The following GLDC variants were observed in gnomAD, a reference collection of about 807,000 sequenced individuals.
GLDC encodes the protein glycine dehydrogenase (decarboxylating), mitochondrial.
In GLDC, 104 loss-of-function variants were observed where a neutral mutation model predicts 121.3. The ratio of observed to expected loss-of-function variants is 0.86; its 90% CI spans 0.73 to 1.01. GLDC has a LOEUF of 1.01. Ranked by LOEUF, GLDC falls within the 50% of genes least tolerant of loss-of-function variation. The pLI is 0.00. For missense variants in GLDC, 1,429 were observed against 1,306.6 expected, an observed-to-expected ratio of 1.09 and a Z score of -1.44; for synonymous variants, 546 against 480.6, an observed-to-expected ratio of 1.14 and a Z score of -1.78.
At chr9:6,545,103 A>G (rs1817359635) in intron 21 of GLDC, among the ~76,000 whole-genome samples, 2 of 79,302 alleles carry the variant, frequency 2.5e-5, no homozygotes, top group South Asian at 7.8e-4. Flanking sequence ...CTGTCTCAAA[A>G]AAAAGAAAAA....
intron 15 of GLDC, among the ~76,000 whole-genome samples, chr9:6,585,623 A>G (rs561226741): frequency 8.1e-4 from 123 of 152,282 alleles, no homozygotes; most frequent in African/African-American, 2.6e-3. Flanking sequence ...CTATGTTACA[A>G]AACAGAAGGT....
intron 15 of GLDC, among the ~76,000 whole-genome samples, chr9:6,567,675 T>A (rs1188210397): frequency 1.3e-5 from 2 of 152,214 alleles, no homozygotes; most frequent in African/African-American, 4.8e-5. Context: ...ATTTGATAGA[T>A]TGATTAAAGA....
intron 15 of GLDC, among the ~76,000 whole-genome samples, chr9:6,571,835 C>G (rs1276553938): frequency 1.3e-5 from 2 of 152,032 alleles, no homozygotes; most frequent in South Asian, 2.1e-4. Context: ...AATAATCAAG[C>G]CTATGTACAC....
Position 6,626,195 on chromosome 9 carries a change from G to T in GLDC, c.335-5876C>A, listed in dbSNP as rs1278912082. 2.6e-5 allele frequency among the ~76,000 whole-genome samples: 4 copies of T among 151,754 alleles called. No individual in the cohort carries two copies. The South Asian group carries it at 6.2e-4, about 24-fold the overall frequency. ...ATGTTAATTCTCACTGATAGGAAAGGTAGGGTTAAAGTTTTATGGGTCTGC... is the reference window on the plus strand; with the variant it reads ...ATGTTAATTCTCACTGATAGGAAAGTTAGGGTTAAAGTTTTATGGGTCTGC... On this transcript the variant is annotated intron_variant, in intron 2 of 24. Transcript: ENST00000321612.
Position 6,621,119 on chromosome 9 carries a change from A to G in GLDC, c.335-800T>C, listed in dbSNP as rs148091282. Reference sequence around the variant, plus strand: ...TGGGAGGCAGAGATTGTAGTGAGCTAAGATGGCGCCGCTGCACTCAAACCT... The same window carrying G: ...TGGGAGGCAGAGATTGTAGTGAGCTGAGATGGCGCCGCTGCACTCAAACCT... On this transcript the variant is annotated intron_variant, in intron 2 of 24. Transcript: ENST00000321612. Among the ~76,000 whole-genome samples the G allele has an allele frequency of 2.6e-5, 4 of 152,316 alleles. No individual in the cohort carries two copies. In the East Asian group the frequency reaches 7.7e-4, roughly 29 times the overall value.
At chr9:6,598,558 C>T (rs1818536736) in intron 8 of GLDC, among the ~76,000 whole-genome samples, 1 of 152,138 alleles carries the variant, frequency 6.6e-6, no homozygotes, top group African/African-American at 2.4e-5. Flanking sequence ...CAACAGAAGG[C>T]GGGGGTCAAA....
intron 2 of GLDC, among the ~76,000 whole-genome samples, chr9:6,623,888 A>G (rs1470528407): frequency 1.3e-5 from 2 of 152,232 alleles, no homozygotes; most frequent in Non-Finnish European, 2.9e-5. Flanking sequence ...TCAGACGCCC[A>G]GTAGGAGGAA....
chr9:6,576,540 C>T (rs935131178), intron 15 of GLDC, among the ~76,000 whole-genome samples: 1 of 152,124 alleles, frequency 6.6e-6, no homozygotes, highest in African/African-American at 2.4e-5. Flanking sequence ...GATCTTGGCT[C>T]ACTGCAACCT....
chr9:6,573,754 A>G (rs1287034535), intron 15 of GLDC, among the ~76,000 whole-genome samples: 2 of 152,214 alleles, frequency 1.3e-5, no homozygotes, highest in East Asian at 3.9e-4. Flanking sequence ...TGATGGCAGT[A>G]AAGTGATCCT....
chr9:6,641,497 A>T (rs1819627658), intron 2 of GLDC, among the ~76,000 whole-genome samples: 1 of 152,220 alleles, frequency 6.6e-6, no homozygotes, highest in African/African-American at 2.4e-5. Context: ...AAGAGAGAGC[A>T]AAGTAGTGGA....
At chr9:6,575,690 T>C (rs1818051491) in intron 15 of GLDC, among the ~76,000 whole-genome samples, 1 of 152,250 alleles carries the variant, frequency 6.6e-6, no homozygotes, top group Non-Finnish European at 1.5e-5. Flanking sequence ...TCCTCAATTT[T>C]TTAAGCCAAG....
At chr9:6,548,715 G>A (rs2129697354) in intron 21 of GLDC, among the ~76,000 whole-genome samples, 1 of 152,236 alleles carries the variant, frequency 6.6e-6, no homozygotes, top group East Asian at 1.9e-4. Flanking sequence ...CTGTCTCTCT[G>A]ATCTAAGCTC....
intron 6 of GLDC, 111 bp downstream of exon 6, chr9:6,605,020 G>T: frequency 8.9e-7 from 1 of 1,119,702 alleles, no homozygotes; most frequent in Non-Finnish European, 1.4e-6. Flanking sequence ...ACCATTCCAT[G>T]TGATAATGGT....
intron 3 of GLDC, among the ~76,000 whole-genome samples, chr9:6,613,610 A>C (rs1365657295): frequency 6.6e-6 from 1 of 152,252 alleles, no homozygotes; most frequent in East Asian, 1.9e-4. Flanking sequence ...AAATTATTTA[A>C]GTTATAATTT....
At chr9:6,550,710 G>GTC in intron 21 of GLDC, 93 bp downstream of exon 21, 1 of 794,582 alleles carries the variant, frequency 1.3e-6, no homozygotes, top group Non-Finnish European at 2.3e-6. Flanking sequence ...AGAAATAGAA[G>GTC]TCTCTTGCCC....
intron 2 of GLDC, among the ~76,000 whole-genome samples, chr9:6,633,173 TAAGA>T (rs565649952): frequency 1.8e-4 from 27 of 152,176 alleles, no homozygotes; most frequent in Non-Finnish European, 3.5e-4. Context: ...CTCTTCTGCC[TAAGA>T]AAGGTCGAGA....
At chr9:6,624,990 GA>G (rs34197434) in intron 2 of GLDC, among the ~76,000 whole-genome samples, 45,459 of 143,550 alleles carry the variant, frequency 0.32, 7,111 homozygotes, top group East Asian at 0.49. Flanking sequence ...ACTGTCTCCA[GA>G]AAAAAAAAAA....
intron 15 of GLDC, among the ~76,000 whole-genome samples, chr9:6,582,301 C>T (rs1468364653): frequency 2.0e-5 from 3 of 149,400 alleles, no homozygotes; most frequent in Non-Finnish European, 3.0e-5. Flanking sequence ...GGCAGATCAC[C>T]TGAGGTCAGG....
At chr9:6,597,060 C>A (rs576918880) in intron 8 of GLDC, among the ~76,000 whole-genome samples, 8 of 152,334 alleles carry the variant, frequency 5.3e-5, no homozygotes, top group African/African-American at 1.9e-4. Context: ...ATTAAGTACA[C>A]ATTCATGCTA....
Sources: allele counts gnomAD v4.1 joint callset (sites outside exome capture counted in the v4.1 genomes callset), GRCh38; gene constraint gnomAD v4.1.1; transcripts MANE v1.5; gene names NCBI Gene and HGNC (gene_info 2026-07-23, HGNC 2026-07-21).